Variants in EPM2A observed in about 807,000 individuals in gnomAD.
EPM2A encodes laforin.
In EPM2A, 21 loss-of-function variants were observed where a neutral mutation model predicts 26.5. That is an observed-to-expected ratio of 0.79 (90% confidence interval 0.56 to 1.14). The LOEUF (loss-of-function observed/expected upper bound fraction) is 1.14. EPM2A is among the 50% of genes most tolerant of loss of function. The pLI is 0.00. For synonymous variants in EPM2A, 217 were observed against 177.6 expected, an observed-to-expected ratio of 1.22 and a Z score of -1.76; for missense variants, 458 against 440.8, an observed-to-expected ratio of 1.04 and a Z score of -0.35.
At chr6:145,520,506 C>G (rs1780189084) in intron 2 of EPM2A, among the ~76,000 whole-genome samples, 1 of 152,174 alleles carries the variant, frequency 6.6e-6, no homozygotes, top group African/African-American at 2.4e-5. Context: ...ATACTTATCA[C>G]AGATTCTGTA....
intron 2 of EPM2A, among the ~76,000 whole-genome samples, chr6:145,596,782 C>A (rs1024654814): frequency 6.7e-5 from 10 of 149,960 alleles, no homozygotes; most frequent in African/African-American, 2.2e-4. Flanking sequence ...ATTCTGCTAT[C>A]ATTTGGACTA....
chr6:145,541,336 A>ATG (rs529909986), intron 2 of EPM2A, among the ~76,000 whole-genome samples: 2,477 of 125,320 alleles, frequency 0.02, 69 homozygotes, highest in African/African-American at 0.062. Context: ...GTGTATATAT[A>ATG]TGTGTGTGTG....
At chr6:145,444,922 A>G (rs1779111643) in intron 4 of EPM2A, among the ~76,000 whole-genome samples, 2 of 105,742 alleles carry the variant, frequency 1.9e-5, no homozygotes, top group Admixed American at 1.0e-4. Flanking sequence ...TTTTTAGAAA[A>G]TTTAGATTTT....
intron 4 of EPM2A, among the ~76,000 whole-genome samples, chr6:145,387,155 C>A (rs1295453860): frequency 3.9e-5 from 6 of 152,124 alleles, no homozygotes; most frequent in Non-Finnish European, 5.9e-5. Context: ...GAGAAACAGA[C>A]AATTGTCCCT....
At position 145,627,187 on chromosome 6, in the gene EPM2A, G is replaced by C; in HGVS notation, c.*229C>G. ...CTTCTGTCTGATGTACAGCCTAACT[G>C]CTTCGTGCTTCTTCTCATGTGTTGA... On this transcript the variant is annotated 3_prime_UTR_variant, in exon 4 of 4. Transcript: ENST00000367519. 7.0e-7 allele frequency: 1 copy of C among 1,423,328 alleles called. No individual in the cohort carries two copies. The highest frequency in any genetic ancestry group is 9.1e-7 in the Non-Finnish European group (1 of 1,093,196). The allele number at this position is 1,423,328 out of a possible 1,614,324, so 88.2% of individuals were successfully genotyped here.
At chr6:145,652,436 T>C (rs1032370196) in intron 2 of EPM2A, among the ~76,000 whole-genome samples, 9 of 152,164 alleles carry the variant, frequency 5.9e-5, no homozygotes, top group African/African-American at 1.9e-4. Context: ...AATTTTTGTA[T>C]CCTGTCAATT....
At chr6:145,667,502 A>G (rs1489824451) in intron 2 of EPM2A, among the ~76,000 whole-genome samples, 2 of 150,240 alleles carry the variant, frequency 1.3e-5, no homozygotes, top group Non-Finnish European at 1.5e-5. Context: ...AATCATTAAA[A>G]AGTCAGGAAA....
At chr6:145,409,416 A>C (rs187972020) in intron 4 of EPM2A, among the ~76,000 whole-genome samples, 1 of 152,316 alleles carries the variant, frequency 6.6e-6, no homozygotes, top group African/African-American at 2.4e-5. Flanking sequence ...TCTTAGTAGA[A>C]GTCAATAAAT....
chr6:145,532,914 T>C (rs757844175), intron 2 of EPM2A, among the ~76,000 whole-genome samples: 3 of 152,200 alleles, frequency 2.0e-5, no homozygotes, highest in Non-Finnish European at 4.4e-5. Flanking sequence ...ACTACCTATC[T>C]AGTTAGTCGC....
intron 2 of EPM2A, among the ~76,000 whole-genome samples, chr6:145,602,013 T>C (rs959242519): frequency 1.3e-5 from 2 of 152,202 alleles, no homozygotes; most frequent in Non-Finnish European, 2.9e-5. Flanking sequence ...AATGACTTCT[T>C]GTCATACCTG....
intron 2 of EPM2A, among the ~76,000 whole-genome samples, chr6:145,577,429 A>T (rs906770596): frequency 6.6e-6 from 1 of 152,074 alleles, no homozygotes; most frequent in Non-Finnish European, 1.5e-5. Flanking sequence ...TTCAAGACAA[A>T]AACTATGAAA....
At chr6:145,663,467 G>A (rs1236499985) in intron 2 of EPM2A, among the ~76,000 whole-genome samples, 3 of 152,244 alleles carry the variant, frequency 2.0e-5, no homozygotes, top group East Asian at 3.9e-4. Flanking sequence ...GGGTCAGGGA[G>A]TTCCCTTTCC....
chr6:145,721,422 T>C (rs1337840), intron 1 of EPM2A: 77,534 of 151,944 alleles, frequency 0.51, 20,407 homozygotes, highest in East Asian at 0.67. Flanking sequence ...AAATTGGTGA[T>C]GGTGTTGGAA....
chr6:145,546,339 GA>G (rs986633157), intron 2 of EPM2A, among the ~76,000 whole-genome samples: 5 of 151,696 alleles, frequency 3.3e-5, no homozygotes, highest in Admixed American at 6.6e-5. Flanking sequence ...GAGAGAGAAA[GA>G]AAAAAAAGTT....
In EPM2A at chr6:145,517,956, T is replaced by C. The variant is rs571295259; in HGVS notation, c.341-15381A>G. On this transcript the variant is annotated intron_variant, in intron 2 of 3. Transcript: ENST00000450221. ...TTTATTTCCAGAAAAAAAAATTTTA[T>C]CCTTCAGTGAAGAGATTCCTAAGGC... Among the ~76,000 whole-genome samples, 24 of 152,286 alleles carry C rather than the reference T, an allele frequency of 1.6e-4. No individual in the cohort carries two copies. In the South Asian group the frequency reaches 4.6e-3, roughly 29 times the overall value.
chr6:145,513,942 A>C (rs1268500235), intron 2 of EPM2A, among the ~76,000 whole-genome samples: 1 of 152,190 alleles, frequency 6.6e-6, no homozygotes, highest in African/African-American at 2.4e-5. Context: ...CAAATAGGCA[A>C]GGAGCTCTGT....
At chr6:145,690,354 C>CA (rs1781197237) in intron 1 of EPM2A, among the ~76,000 whole-genome samples, 1 of 151,136 alleles carries the variant, frequency 6.6e-6, no homozygotes, top group African/African-American at 2.4e-5. Flanking sequence ...ACTAAAAATA[C>CA]AAAAAATTAG....
rs1312003365 is a variant in EPM2A, at chr6:145,384,797, G to A, written c.556-700C>T. Among the ~76,000 whole-genome samples the A allele has an allele frequency of 1.4e-5, 2 of 147,698 alleles. 1 individual carries two copies. ...ATCATCACTAACAGAGGTCAAAAAA[G>A]CAGTTCTATTTACCACTTTCTCTGT... On this transcript the variant is annotated intron_variant, in intron 4 of 4. Coordinates refer to the EPM2A transcript ENST00000638717.
intron 2 of EPM2A, among the ~76,000 whole-genome samples, chr6:145,657,921 A>G (rs1234466094): frequency 6.6e-6 from 1 of 152,188 alleles, no homozygotes; most frequent in African/African-American, 2.4e-5. Flanking sequence ...ACTTTGTCCT[A>G]AAGTGATAGT....
Sources: allele counts gnomAD v4.1 joint callset (sites outside exome capture counted in the v4.1 genomes callset), GRCh38; gene constraint gnomAD v4.1.1; transcripts MANE v1.5; gene names NCBI Gene and HGNC (gene_info 2026-07-23, HGNC 2026-07-21).